SHOC1: variants seen among roughly 807,000 people sequenced by gnomAD.
The protein encoded by SHOC1 is shortage in chiasmata 1.
A neutral mutation model predicts 179.2 loss-of-function variants in SHOC1; 136 were observed. The ratio of observed to expected loss-of-function variants is 0.76; its 90% CI spans 0.66 to 0.87. SHOC1 has a LOEUF of 0.87. Ranked by LOEUF, SHOC1 falls within the 40% of genes least tolerant of loss-of-function variation. SHOC1 has a pLI of 0.00. For missense variants in SHOC1, 1,538 were observed against 1,700.8 expected, an observed-to-expected ratio of 0.90 and a Z score of 1.68; for synonymous variants, 489 against 586.6, an observed-to-expected ratio of 0.83 and a Z score of 2.41.
At chr9:111,756,200 C>A in intron 8 of SHOC1, 125 bp downstream of exon 8, 2 of 576,354 alleles carry the variant, frequency 3.5e-6, no homozygotes, top group South Asian at 3.2e-5. Context: ...GAGATTTCAA[C>A]ATGTAACTTG....
intron 5 of SHOC1, among the ~76,000 whole-genome samples, chr9:111,762,264 T>C (rs1198689488): frequency 6.8e-6 from 1 of 148,036 alleles, no homozygotes; most frequent in Non-Finnish European, 1.5e-5. Context: ...ATCTTGTCTC[T>C]ACAAAAAAAT....
chr9:111,739,706 C>T (rs1252393355), intron 11 of SHOC1, among the ~76,000 whole-genome samples: 2 of 151,814 alleles, frequency 1.3e-5, no homozygotes, highest in East Asian at 3.9e-4. Flanking sequence ...ACGTCTTGTT[C>T]CCCCCTTTTT....
In SHOC1 at chr9:111,759,087, A is replaced by G. The variant is rs972844876; in HGVS notation, c.443-239T>C. ...ACCGAGGAATAGCCAAATATCCCAA[A>G]AGAGCTGTAACGGCTAATACTTTAT... is the stretch of plus-strand genomic sequence containing the variant. On this transcript the variant is annotated intron_variant, in intron 5 of 27. Transcript: ENST00000682961. 7 of 1,467,410 alleles carry G rather than the reference A, an allele frequency of 4.8e-6. No individual in the cohort carries two copies. In the African/African-American group the frequency reaches 8.5e-5, roughly 18 times the overall value. 90.9% of individuals were successfully genotyped at this position (1,467,410 alleles called of 1,614,324 possible).
chr9:111,768,734 A>G (rs1216898425), intron 5 of SHOC1, among the ~76,000 whole-genome samples: 1 of 152,200 alleles, frequency 6.6e-6, no homozygotes, highest in Non-Finnish European at 1.5e-5. Flanking sequence ...CTTCCTTTCC[A>G]ATTTGAATGC....
intron 8 of SHOC1, among the ~76,000 whole-genome samples, chr9:111,749,057 C>T (rs1218494520): frequency 1.4e-5 from 2 of 143,852 alleles, no homozygotes; most frequent in South Asian, 5.0e-4. Context: ...CACATTTTGC[C>T]TATCCCTTTA....
intron 3 of SHOC1, among the ~76,000 whole-genome samples, chr9:111,785,466 AAATG>A: frequency 6.6e-6 from 1 of 152,164 alleles, no homozygotes; most frequent in Non-Finnish European, 1.5e-5. Context: ...TATACCAAGT[AAATG>A]CTGTTAACCG....
intron 15 of SHOC1, among the ~76,000 whole-genome samples, chr9:111,720,854 G>GCACCTGGCCACCTCACATA (rs1833010200): frequency 6.6e-6 from 1 of 152,212 alleles, no homozygotes; most frequent in Non-Finnish European, 1.5e-5. Context: ...GTAATAAGAA[G>GCACCTGGCCACCTCACATA]TGTCAGCGTC....
At chr9:111,789,483 GT>G (rs975231274) in intron 2 of SHOC1, among the ~76,000 whole-genome samples, 2 of 149,574 alleles carry the variant, frequency 1.3e-5, no homozygotes, top group African/African-American at 5.1e-5. Flanking sequence ...AAGATTTTAA[GT>G]TTTTTTAAGT....
intron 13 of SHOC1, among the ~76,000 whole-genome samples, chr9:111,726,116 C>T (rs1490725159): frequency 6.6e-6 from 1 of 151,938 alleles, no homozygotes; most frequent in Non-Finnish European, 1.5e-5. Flanking sequence ...TATGCAGAAG[C>T]GATGCTTGAA....
At chr9:111,726,882 A>T (rs1833318627) in intron 13 of SHOC1, among the ~76,000 whole-genome samples, 1 of 152,208 alleles carries the variant, frequency 6.6e-6, no homozygotes, top group Admixed American at 6.5e-5. Flanking sequence ...AAAGAATAGG[A>T]TTTATCAAAC....
intron 27 of SHOC1, among the ~76,000 whole-genome samples, chr9:111,687,107 C>T (rs1411914714): frequency 3.3e-5 from 5 of 151,898 alleles, no homozygotes; most frequent in African/African-American, 1.2e-4. Context: ...CCACCACGCC[C>T]GGCTAATTTT....
intron 18 of SHOC1, among the ~76,000 whole-genome samples, chr9:111,709,473 T>C (rs1314739866): frequency 6.6e-6 from 1 of 152,172 alleles, no homozygotes; most frequent in Non-Finnish European, 1.5e-5. Flanking sequence ...AGAACTACGT[T>C]TTTACTTTCC....
chr9:111,772,161 C>T (rs1441032691), intron 5 of SHOC1, among the ~76,000 whole-genome samples: 1 of 151,946 alleles, frequency 6.6e-6, no homozygotes, highest in Non-Finnish European at 1.5e-5. Flanking sequence ...TGATTCTTCC[C>T]TCTGGTTGTT....
chr9:111,705,279 A>G lies in SHOC1; in HGVS notation c.2823T>C (p.Asn941=). The change falls in exon 21 of 28, where the codon AAT becomes AAC. Residue 941 remains asparagine, a synonymous_variant. Coordinates refer to ENST00000682961, the MANE Select transcript of SHOC1 (RefSeq NM_001378211.1). ...CTAGCAGCTGAAGTATGTCTGGAGTATTAAGAAGTCCTTCAGATGCAAAAA... is the reference window on the plus strand; with the variant it reads ...CTAGCAGCTGAAGTATGTCTGGAGTGTTAAGAAGTCCTTCAGATGCAAAAA... ...YVFFASEGLL[N]TPDILQLLES... 2.5e-6 allele frequency: 4 copies of G among 1,581,806 alleles called. No homozygotes were observed. Among genetic ancestry groups the G allele is most frequent in the Non-Finnish European group, 3.4e-6 (4 of 1,164,616 alleles).
intron 23 of SHOC1, among the ~76,000 whole-genome samples, chr9:111,700,891 C>G (rs1242240938): frequency 6.6e-6 from 1 of 152,164 alleles, no homozygotes; most frequent in Admixed American, 6.5e-5. Flanking sequence ...GTCTAATGAG[C>G]TCGTCTGGTA....
chr9:111,790,006 A>AT (rs1275682801), intron 2 of SHOC1, among the ~76,000 whole-genome samples: 1 of 152,168 alleles, frequency 6.6e-6, no homozygotes, highest in African/African-American at 2.4e-5. Context: ...AAAGAAAAAA[A>AT]TTTAACTTGT....
chr9:111,774,700 A>C (rs10739326), intron 5 of SHOC1, among the ~76,000 whole-genome samples: 82,843 of 150,162 alleles, frequency 0.55, 23,290 homozygotes, highest in East Asian at 0.89. Context: ...CTCTCTCTCT[A>C]TATATATATC....
chr9:111,712,630 G>A (rs1401235470), intron 18 of SHOC1, among the ~76,000 whole-genome samples: 2 of 152,130 alleles, frequency 1.3e-5, no homozygotes, highest in Admixed American at 1.3e-4. Flanking sequence ...GTAGAAAAGT[G>A]TAGTAAGTGA....
rs1835811540 is a variant in SHOC1 at position 111,775,852 on chromosome 9, A to G, written c.381T>C (p.Asn127=). ...AACAACTGACAGGGGTAAAGACTTCATTGTAGTCCATGTGGGTGTATAAAC... is the reference window on the plus strand; with the variant it reads ...AACAACTGACAGGGGTAAAGACTTCGTTGTAGTCCATGTGGGTGTATAAAC... The part of the protein sequence containing the change: ...EVSLYTHMDY[N]EVFTPVSCLE... The change falls in exon 5 of 28, where the codon AAT becomes AAC. Residue 127 remains asparagine, a synonymous_variant. Coordinates refer to ENST00000682961, the MANE Select transcript of SHOC1 (RefSeq NM_001378211.1). The G allele has an allele frequency of 6.2e-7, 1 of 1,613,668 alleles. No homozygotes were observed. Among genetic ancestry groups the G allele is most frequent in the African/African-American group, 1.3e-5 (1 of 74,926 alleles).
Sources: allele counts gnomAD v4.1 joint callset (sites outside exome capture counted in the v4.1 genomes callset), GRCh38; gene constraint gnomAD v4.1.1; transcripts MANE v1.5; gene names NCBI Gene and HGNC (gene_info 2026-07-23, HGNC 2026-07-21).